The following VWC2L variants were observed in gnomAD, a reference collection of about 807,000 sequenced individuals.
VWC2L encodes the protein von Willebrand factor C domain-containing protein 2-like.
Under a neutral mutation model 21.6 loss-of-function variants are expected in VWC2L, and 10 were observed. That is an observed-to-expected ratio of 0.46 (90% CI 0.29 to 0.78). VWC2L has a LOEUF of 0.78. Among genes scored for constraint, VWC2L ranks in the 30% least tolerant of loss-of-function variants. VWC2L has a pLI of 0.10. For missense variants in VWC2L, 209 were observed against 277.1 expected, an observed-to-expected ratio of 0.75 and a Z score of 1.74; for synonymous variants, 96 against 94.3, an observed-to-expected ratio of 1.02 and a Z score of -0.10.
intron 1 of VWC2L, among the ~76,000 whole-genome samples, chr2:214,413,478 A>G (rs907098674): frequency 2.6e-5 from 4 of 152,154 alleles, no homozygotes; most frequent in Admixed American, 6.5e-5. Flanking sequence ...ACTATGGAAT[A>G]GTTATGTTGT....
chr2:214,558,875 A>T (rs896311478), intron 3 of VWC2L, among the ~76,000 whole-genome samples: 61 of 151,040 alleles, frequency 4.0e-4, no homozygotes, highest in African/African-American at 1.4e-3. Context: ...TTTTTTTTAA[A>T]TTTTTTTTAT....
intron 3 of VWC2L, among the ~76,000 whole-genome samples, chr2:214,501,784 T>G (rs1225151541): frequency 6.6e-6 from 1 of 151,922 alleles, no homozygotes; most frequent in Admixed American, 6.5e-5. Flanking sequence ...AAAAGGCTAC[T>G]TGCTGCTGCC....
chr2:214,440,767 G>A (rs1018744627), intron 3 of VWC2L, among the ~76,000 whole-genome samples: 1 of 152,036 alleles, frequency 6.6e-6, no homozygotes, highest in Non-Finnish European at 1.5e-5. Flanking sequence ...AAGTCATTAA[G>A]AATCCATATT....
chr2:214,571,023 A>C (rs1419763485), intron 3 of VWC2L, among the ~76,000 whole-genome samples: 1 of 152,188 alleles, frequency 6.6e-6, no homozygotes, highest in Non-Finnish European at 1.5e-5. Flanking sequence ...TTTTAAAATA[A>C]ATTATGTTTT....
rs534301330 is a variant in VWC2L, at chr2:214,563,472, A to G, written c.521-12200A>G. ...TGAGGCAGGAGAATGGCATGAACCC[A>G]GGAGGCAGAGCTTGCAATGAGCCGA... On this transcript the variant is annotated intron_variant, in intron 3 of 3. Transcript: ENST00000312504. 2.3e-3 allele frequency among the ~76,000 whole-genome samples: 338 copies of G among 146,672 alleles called. 4 individuals are homozygous for G. Among genetic ancestry groups the G allele is most frequent in the South Asian group, 0.016 (72 of 4,514 alleles).
chr2:214,551,199 A>G (rs755389916), intron 3 of VWC2L, among the ~76,000 whole-genome samples: 1 of 152,250 alleles, frequency 6.6e-6, no homozygotes, highest in Non-Finnish European at 1.5e-5. Context: ...GGGGAGAATC[A>G]GTGTAGCATT....
intron 3 of VWC2L, among the ~76,000 whole-genome samples, chr2:214,566,151 C>T (rs1195329551): frequency 6.6e-6 from 1 of 152,092 alleles, no homozygotes; most frequent in Admixed American, 6.6e-5. Context: ...TTCCATCATT[C>T]AAAGCAAAAA....
At chr2:214,432,921 C>G (rs1481659603) in intron 2 of VWC2L, among the ~76,000 whole-genome samples, 7 of 151,434 alleles carry the variant, frequency 4.6e-5, no homozygotes, top group Admixed American at 4.6e-4. Flanking sequence ...ATTTGGGAGG[C>G]TGAGGCAGGA....
intron 3 of VWC2L, among the ~76,000 whole-genome samples, chr2:214,558,774 T>C (rs1164163375): frequency 3.9e-5 from 6 of 152,148 alleles, no homozygotes; most frequent in African/African-American, 1.2e-4. Context: ...GTGGTTGCAA[T>C]TGCACCTTAG....
rs1244991585 is a variant in VWC2L, at chr2:214,499,524, G to A, written c.520+62766G>A. On this transcript the variant is annotated intron_variant, in intron 3 of 3. Coordinates refer to ENST00000312504, the MANE Select transcript of VWC2L (RefSeq NM_001080500.4). ...TCGTGGGGTGGGGGGAGGGGTGGAG[G>A]GATAGCATTAGGAGATATACCTAAT... 3.3e-5 allele frequency among the ~76,000 whole-genome samples: 4 copies of A among 122,518 alleles called. No individual in the cohort carries two copies. The Admixed American group carries it at 3.7e-4, about 11-fold the overall frequency. The allele number at this position is 122,518 out of a possible 152,430, so 80.4% of individuals were successfully genotyped here.
chr2:214,558,251 C>T (rs1379090491), intron 3 of VWC2L, among the ~76,000 whole-genome samples: 1 of 152,106 alleles, frequency 6.6e-6, no homozygotes, highest in Admixed American at 6.6e-5. Context: ...CCTTAAATGA[C>T]AATGTCGTCC....
intron 3 of VWC2L, among the ~76,000 whole-genome samples, chr2:214,479,890 T>C (rs558490502): frequency 5.3e-5 from 8 of 152,318 alleles, no homozygotes; most frequent in African/African-American, 1.9e-4. Flanking sequence ...GCCCTCTCTA[T>C]CTGTGGTTCC....
intron 3 of VWC2L, among the ~76,000 whole-genome samples, chr2:214,515,196 T>C (rs1258914752): frequency 6.6e-6 from 1 of 152,190 alleles, no homozygotes; most frequent in Non-Finnish European, 1.5e-5. Context: ...TCCTTTTTAC[T>C]ATTTAGACAG....
chr2:214,573,095 G>A lies in VWC2L; in HGVS notation c.521-2577G>A, dbSNP rs567521949. Among the ~76,000 whole-genome samples, 49 of 152,222 alleles carry A rather than the reference G, an allele frequency of 3.2e-4. No homozygotes were observed. In the Middle Eastern group the frequency reaches 0.01, roughly 32 times the overall value. On this transcript the variant is annotated intron_variant, in intron 3 of 3. Transcript: ENST00000312504. ...GAAAGGGGTGGATATGAAAACCAGA[G>A]CTCTAGTAAAATATCCCTTCAGGAT...
At chr2:214,554,740 C>T (rs184937470) in intron 3 of VWC2L, among the ~76,000 whole-genome samples, 95 of 152,264 alleles carry the variant, frequency 6.2e-4, no homozygotes, top group Non-Finnish European at 3.4e-4. Flanking sequence ...AAAGAGAAAT[C>T]TTAAGACTGA....
At chr2:214,463,281 GTTTT>G (rs534989687) in intron 3 of VWC2L, among the ~76,000 whole-genome samples, 2 of 152,034 alleles carry the variant, frequency 1.3e-5, no homozygotes, top group Non-Finnish European at 2.9e-5. Context: ...GTACTTTGAA[GTTTT>G]TTTATGATGT....
chr2:214,485,867 G>T (rs1005284701), intron 3 of VWC2L, among the ~76,000 whole-genome samples: 10 of 152,046 alleles, frequency 6.6e-5, no homozygotes, highest in Admixed American at 2.0e-4. Flanking sequence ...AATAAATATT[G>T]GGAAAACTTT....
chr2:214,470,701 G>T (rs1703292038), intron 3 of VWC2L, among the ~76,000 whole-genome samples: 1 of 151,850 alleles, frequency 6.6e-6, no homozygotes, highest in East Asian at 1.9e-4. Flanking sequence ...TTTAGGCCAG[G>T]AGTCCGAGAC....
chr2:214,558,824 T>C (rs946379052), intron 3 of VWC2L, among the ~76,000 whole-genome samples: 11 of 152,098 alleles, frequency 7.2e-5, no homozygotes, highest in Non-Finnish European at 1.3e-4. Flanking sequence ...TTTTTTTTTT[T>C]TAAATTTATG....
Sources: allele counts gnomAD v4.1 joint callset (sites outside exome capture counted in the v4.1 genomes callset), GRCh38; gene constraint gnomAD v4.1.1; transcripts MANE v1.5; gene names NCBI Gene and HGNC (gene_info 2026-07-23, HGNC 2026-07-21).